Variants in ABLIM1 observed in about 807,000 individuals in gnomAD.
The protein encoded by ABLIM1 is actin binding LIM protein 1, also known as actin-binding LIM protein 1.
A neutral mutation model predicts 107.0 loss-of-function variants in ABLIM1; 40 were observed. The observed-to-expected ratio is 0.37, with a 90% CI of 0.29 to 0.49. The LOEUF (loss-of-function observed/expected upper bound fraction) is 0.49, where lower values mean the gene tolerates loss of function less well. Ranked by LOEUF, ABLIM1 falls within the 20% of genes least tolerant of loss-of-function variation. The pLI is 0.97. For synonymous variants in ABLIM1, 357 were observed against 357.3 expected (o/e 1.00, Z 0.01); for missense variants, 857 against 1,008.5 (o/e 0.85, Z 2.04).
At position 114,434,575 on chromosome 10, in the gene ABLIM1, C is replaced by T. The variant is rs2059184905; in HGVS notation, c.*1685G>A. On this transcript the variant is annotated 3_prime_UTR_variant, in exon 23 of 23. Coordinates refer to ENST00000533213, the MANE Select transcript of ABLIM1 (RefSeq NM_002313.7). Reference sequence around the variant, plus strand: ...GGTGCCAGCAGGAAGAACTTCAGAGCTTTTGTTCTTAGTGGCATATGAAGG... The same window carrying T: ...GGTGCCAGCAGGAAGAACTTCAGAGTTTTTGTTCTTAGTGGCATATGAAGG... 1 of 152,136 alleles carries T rather than the reference C, an allele frequency of 6.6e-6. No individual in the cohort carries two copies. Among genetic ancestry groups the T allele is most frequent in the African/African-American group, 2.4e-5 (1 of 41,432 alleles). The allele number at this position is 152,136 out of a possible 1,614,324, so 9.4% of individuals were successfully genotyped here.
At chr10:114,786,280 G>A in the ABLIM1 span, among the ~76,000 whole-genome samples, 1 of 152,126 alleles carries the variant, frequency 6.6e-6, no homozygotes, top group African/African-American at 2.4e-5. Context: ...CACAGCAAAA[G>A]TAGTCTGTTA....
At chr10:114,762,364 G>A (rs2082767669) in intron 1 of ABLIM1, among the ~76,000 whole-genome samples, 2 of 152,108 alleles carry the variant, frequency 1.3e-5, no homozygotes, top group Non-Finnish European at 2.9e-5. Flanking sequence ...GTGTGTATTT[G>A]TCTTCCCCAT....
chr10:114,521,933 G>A (rs1335353609), intron 6 of ABLIM1, among the ~76,000 whole-genome samples: 1 of 152,186 alleles, frequency 6.6e-6, no homozygotes, highest in African/African-American at 2.4e-5. Context: ...TAGGGGTTGG[G>A]CAGGTGGAAG....
intron 11 of ABLIM1, 116 bp downstream of exon 11, chr10:114,468,065 T>A: frequency 5.6e-6 from 5 of 897,938 alleles, no homozygotes; most frequent in Non-Finnish European, 5.5e-6. Flanking sequence ...TAACCCCACA[T>A]GCAGTTTTTC....
chr10:114,596,938 G>A (rs993901413), intron 2 of ABLIM1, among the ~76,000 whole-genome samples: 11 of 152,140 alleles, frequency 7.2e-5, no homozygotes, highest in African/African-American at 2.7e-4. Context: ...TGAAGGAGAG[G>A]CAGGTGGGAG....
intron 19 of ABLIM1, among the ~76,000 whole-genome samples, chr10:114,440,450 CT>C (rs76464426): frequency 0.08 from 11,654 of 145,892 alleles, 436 homozygotes; most frequent in Non-Finnish European, 0.089. Flanking sequence ...CCTCCAGTTA[CT>C]TTTTTTTTTT....
At chr10:114,787,146 C>T in the ABLIM1 span, among the ~76,000 whole-genome samples, 311 of 151,822 alleles carry the variant, frequency 2.0e-3, no homozygotes, top group African/African-American at 7.3e-3. Context: ...TCTGCCCTGT[C>T]GCCCCGTCCG....
At chr10:114,589,640 T>C (rs1467859368) in intron 2 of ABLIM1, among the ~76,000 whole-genome samples, 2 of 152,120 alleles carry the variant, frequency 1.3e-5, no homozygotes, top group East Asian at 1.9e-4. Context: ...GCTACTGGGC[T>C]CACTTGATCC....
At position 114,434,451 on chromosome 10, in the gene ABLIM1, G is replaced by A. The variant is rs3802734; in HGVS notation, c.*1809C>T. 35,842 of 151,970 alleles carry A rather than the reference G, an allele frequency of 0.24. 5,541 individuals are homozygous for A. Among genetic ancestry groups the A allele is most frequent in the African/African-American group, 0.44 (18,293 of 41,420 alleles). 9.4% of individuals were successfully genotyped at this position (151,970 alleles called of 1,614,324 possible). On this transcript the variant is annotated 3_prime_UTR_variant, in exon 23 of 23. Transcript: ENST00000533213. Reference sequence around the variant, plus strand: ...TTCATTCCATCCCCCAAATGACAGCGGTGAGCCACGTGTCAGAGGCTGCAA... The same window carrying A: ...TTCATTCCATCCCCCAAATGACAGCAGTGAGCCACGTGTCAGAGGCTGCAA...
chr10:114,553,870 AC>A (rs998852998), intron 4 of ABLIM1, among the ~76,000 whole-genome samples: 5 of 152,230 alleles, frequency 3.3e-5, no homozygotes, highest in Non-Finnish European at 7.3e-5. Flanking sequence ...CACTGGAGGT[AC>A]ATGAATGTCC....
At chr10:114,683,518 G>A (rs1485156436) in intron 1 of ABLIM1, among the ~76,000 whole-genome samples, 2 of 152,156 alleles carry the variant, frequency 1.3e-5, no homozygotes, top group Non-Finnish European at 2.9e-5. Context: ...TACCAGTCCT[G>A]GGTACAAAGG....
At chr10:114,710,302 T>TTA (rs2081520714) in intron 1 of ABLIM1, among the ~76,000 whole-genome samples, 1 of 152,176 alleles carries the variant, frequency 6.6e-6, no homozygotes, top group Non-Finnish European at 1.5e-5. Flanking sequence ...AATTGGGTAA[T>TTA]TTTAAAGGAA....
the ABLIM1 span, among the ~76,000 whole-genome samples, chr10:114,775,350 G>A: frequency 6.6e-6 from 1 of 152,146 alleles, no homozygotes. Flanking sequence ...AGCAGTTTGA[G>A]AATTAGATAT....
intron 2 of ABLIM1, among the ~76,000 whole-genome samples, chr10:114,600,215 C>A (rs1030196371): frequency 6.6e-6 from 1 of 152,168 alleles, no homozygotes; most frequent in Non-Finnish European, 1.5e-5. Context: ...GACAGCCCAG[C>A]ACCCTGGGTG....
intron 4 of ABLIM1, among the ~76,000 whole-genome samples, 187 bp downstream of exon 4, chr10:114,571,109 CT>C (rs1243517145): frequency 1.3e-5 from 2 of 152,178 alleles, no homozygotes; most frequent in African/African-American, 4.8e-5. Context: ...TCCCTGATGA[CT>C]TATAACATTG....
chr10:114,719,891 G>T (rs551539467), intron 1 of ABLIM1, among the ~76,000 whole-genome samples: 47 of 152,294 alleles, frequency 3.1e-4, no homozygotes, highest in African/African-American at 1.1e-3. Context: ...CCATGAAGAA[G>T]TGTCTATGAG....
At chr10:114,709,252 G>C (rs866121797) in intron 1 of ABLIM1, among the ~76,000 whole-genome samples, 1 of 152,292 alleles carries the variant, frequency 6.6e-6, no homozygotes, top group East Asian at 1.9e-4. Context: ...AGTTAGATGG[G>C]AATGCGTTCC....
intron 1 of ABLIM1, among the ~76,000 whole-genome samples, chr10:114,639,617 C>T (rs533398728): frequency 1.3e-5 from 2 of 152,326 alleles, no homozygotes; most frequent in South Asian, 4.1e-4. Context: ...GTGGTGAGGA[C>T]AGCGGCAGCT....
chr10:114,738,383 G>T (rs1336580091), intron 1 of ABLIM1, among the ~76,000 whole-genome samples: 1 of 152,116 alleles, frequency 6.6e-6, no homozygotes, highest in Non-Finnish European at 1.5e-5. Flanking sequence ...ATCAAAAAAT[G>T]ATGCTTTCCA....
Sources: allele counts gnomAD v4.1 joint callset (sites outside exome capture counted in the v4.1 genomes callset), GRCh38; gene constraint gnomAD v4.1.1; transcripts MANE v1.5; gene names NCBI Gene and HGNC (gene_info 2026-07-23, HGNC 2026-07-21).